The following COA1 variants were observed in gnomAD, a reference collection of about 807,000 sequenced individuals.
COA1 encodes cytochrome c oxidase assembly factor 1 homolog.
In COA1, 13 loss-of-function variants were observed where a neutral mutation model predicts 16.0. The ratio of observed to expected loss-of-function variants is 0.81; its 90% CI spans 0.53 to 1.29. The LOEUF is 1.29. COA1 is among the 50% of genes most tolerant of loss of function. The pLI, the probability that COA1 is intolerant of heterozygous loss-of-function variation, is 0.00. For synonymous variants in COA1, 65 were observed against 65.7 expected, an observed-to-expected ratio of 0.99 and a Z score of 0.05; for missense variants, 179 against 177.0, an observed-to-expected ratio of 1.01 and a Z score of -0.06.
chr7:43,710,997 C>G (rs2131743331), intron 1 of COA1, among the ~76,000 whole-genome samples: 1 of 151,090 alleles, frequency 6.6e-6, no homozygotes, highest in South Asian at 2.1e-4. Context: ...AAGAACAATA[C>G]TGTATTTGTT....
At chr7:43,667,917 GTTTC>G (rs1475781019) in intron 1 of COA1, among the ~76,000 whole-genome samples, 2 of 152,302 alleles carry the variant, frequency 1.3e-5, no homozygotes, top group Admixed American at 6.5e-5. Flanking sequence ...TTTGGAGCAT[GTTTC>G]TTTTTCTCTG....
At chr7:43,719,021 G>C (rs941730396) in intron 1 of COA1, among the ~76,000 whole-genome samples, 2 of 150,558 alleles carry the variant, frequency 1.3e-5, no homozygotes, top group African/African-American at 4.9e-5. Context: ...ACCCAGGCTG[G>C]AGTGCAGTGG....
rs2094194794 is a variant in COA1, at chr7:43,689,818, G to A, written c.-39+39611C>T. 3.3e-5 allele frequency among the ~76,000 whole-genome samples: 5 copies of A among 152,198 alleles called. No homozygotes were observed. In the South Asian group the frequency reaches 8.3e-4, roughly 25 times the overall value. ...AATAGTGTATTACTTAAATGTAATG[G>A]CATATTACTTAAATGTAGACTATGA... On this transcript the variant is annotated intron_variant, in intron 1 of 5. Coordinates refer to ENST00000223336, the MANE Select transcript of COA1 (RefSeq NM_018224.4).
chr7:43,666,407 C>T (rs2092892947), intron 1 of COA1, among the ~76,000 whole-genome samples: 1 of 152,190 alleles, frequency 6.6e-6, no homozygotes, highest in Admixed American at 6.5e-5. Flanking sequence ...GGGCTCCACC[C>T]TAAAGCCAGT....
intron 1 of COA1, among the ~76,000 whole-genome samples, chr7:43,710,925 T>C (rs1004025713): frequency 6.6e-6 from 1 of 152,076 alleles, no homozygotes; most frequent in Non-Finnish European, 1.5e-5. Context: ...GGTTTCATTG[T>C]CATTAAATGT....
At chr7:43,610,568 G>A (rs111936400) in intron 6 of COA1, among the ~76,000 whole-genome samples, 1,630 of 152,078 alleles carry the variant, frequency 0.011, 31 homozygotes, top group African/African-American at 0.038. Flanking sequence ...TCCAGAGGCT[G>A]AGGGGGGAGA....
intron 1 of COA1, among the ~76,000 whole-genome samples, chr7:43,650,939 G>A (rs1458699422): frequency 6.6e-6 from 1 of 152,122 alleles, no homozygotes; most frequent in Non-Finnish European, 1.5e-5. Flanking sequence ...AGCAGGGGTT[G>A]GGGTGTGAGT....
chr7:43,612,508 C>T (rs1423329825), intron 6 of COA1, among the ~76,000 whole-genome samples: 1 of 152,160 alleles, frequency 6.6e-6, no homozygotes, highest in Admixed American at 6.6e-5. Context: ...CACATTGCCT[C>T]AAAGCTAAAT....
chr7:43,673,311 C>A (rs538666172), intron 1 of COA1, among the ~76,000 whole-genome samples: 1 of 152,180 alleles, frequency 6.6e-6, no homozygotes, highest in South Asian at 2.1e-4. Flanking sequence ...CAATAAACAA[C>A]CCCATTAAAA....
chr7:43,684,772 A>C (rs147120054), intron 1 of COA1, among the ~76,000 whole-genome samples: 1 of 152,216 alleles, frequency 6.6e-6, no homozygotes, highest in Admixed American at 6.5e-5. Flanking sequence ...TCTATAGTAC[A>C]TAAGAACAAC....
intron 3 of COA1, 25 bp downstream of exon 3, chr7:43,647,510 C>T (rs746898628): frequency 6.5e-6 from 10 of 1,537,360 alleles, no homozygotes; most frequent in South Asian, 1.1e-5. Flanking sequence ...GAGGTCAGGC[C>T]GCAGGCGGCT....
chr7:43,645,314 A>G lies in COA1; in HGVS notation c.201T>C (p.Pro67=), dbSNP rs564919110. Residue 67 remains proline (P), a synonymous_variant, in exon 4 of 6, where the codon CCT becomes CCC. Coordinates refer to ENST00000223336, the MANE Select transcript of COA1 (RefSeq NM_018224.4). ...TGAGCTTGAGATAATGGATGTTGAG[A>G]GGAGGGCCCAGAGCTTCCTGTGCCT... ...HPEAQEALGP[P]LNIHYLKLID... is the part of the protein sequence containing the mutation. 124 of 1,614,098 alleles carry G rather than the reference A, an allele frequency of 7.7e-5. No individual in the cohort carries two copies. In the South Asian group the frequency reaches 1.3e-3, roughly 17 times the overall value.
rs547836376 is a variant in COA1 at position 43,729,459 on chromosome 7, G to T, written c.-69C>A. On this transcript the variant is annotated 5_prime_UTR_variant, in exon 1 of 6. Transcript: ENST00000223336. ...AGCAACAGAAGCACCACGCTACAAA[G>T]AGCATGACGAGTTCTTCCAGGCTTG... The T allele has an allele frequency of 6.6e-6, 1 of 152,302 alleles. No individual in the cohort carries two copies. The highest frequency in any genetic ancestry group is 2.4e-5 in the African/African-American group (1 of 41,460). The allele number at this position is 152,302 out of a possible 1,614,324, so 9.4% of individuals were successfully genotyped here.
downstream of COA1, chr7:43,638,918 A>T (rs552763661): frequency 6.6e-6 from 1 of 152,250 alleles, no homozygotes; most frequent in Non-Finnish European, 1.5e-5. Flanking sequence ...AGTTAACTTT[A>T]TATGTATATG....
At chr7:43,706,632 G>C (rs1489722678) in intron 1 of COA1, among the ~76,000 whole-genome samples, 1 of 152,136 alleles carries the variant, frequency 6.6e-6, no homozygotes, top group Non-Finnish European at 1.5e-5. Flanking sequence ...ACTTTAGGAG[G>C]GCAAGGTCAG....
chr7:43,689,816 TG>T (rs1375337414), intron 1 of COA1, among the ~76,000 whole-genome samples: 4 of 152,296 alleles, frequency 2.6e-5, no homozygotes, highest in African/African-American at 9.6e-5. Context: ...TTAAATGTAA[TG>T]GCATATTACT....
At chr7:43,684,326 G>C (rs1198059242) in intron 1 of COA1, among the ~76,000 whole-genome samples, 1 of 152,108 alleles carries the variant, frequency 6.6e-6, no homozygotes, top group Non-Finnish European at 1.5e-5. Context: ...TGTGCGGCCG[G>C]GAGTGGGTGA....
chr7:43,664,156 T>C (rs188440165), intron 1 of COA1, among the ~76,000 whole-genome samples: 24 of 134,372 alleles, frequency 1.8e-4, no homozygotes, highest in African/African-American at 6.1e-5. Flanking sequence ...CCAGGCTGGA[T>C]TGTAATAGCT....
intron 6 of COA1, chr7:43,624,533 T>C (rs749313812): frequency 1.9e-6 from 3 of 1,612,628 alleles, no homozygotes; most frequent in Non-Finnish European, 2.5e-6. Flanking sequence ...GAGCCACTGC[T>C]GAAGAATGTC....
Sources: gnomAD v4.1 joint callset for allele counts (sites outside exome capture counted in the v4.1 genomes callset) on GRCh38, gnomAD v4.1.1 for gene constraint, MANE v1.5 for transcripts, NCBI Gene and HGNC (gene_info 2026-07-23, HGNC 2026-07-21) for gene names.